The following ACSBG2 variants were observed in gnomAD, a reference collection of about 807,000 sequenced individuals.
ACSBG2 encodes the protein long-chain-fatty-acid--CoA ligase ACSBG2.
ACSBG2 carries 62 observed loss-of-function variants against 74.7 expected under a neutral mutation model. That is an observed-to-expected ratio of 0.83 (90% CI 0.68 to 1.03). The LOEUF (loss-of-function observed/expected upper bound fraction) is 1.03. Ranked by LOEUF, ACSBG2 falls within the 50% of genes least tolerant of loss-of-function variation. ACSBG2 has a pLI of 0.00. For missense variants in ACSBG2, 730 were observed against 817.6 expected, an observed-to-expected ratio of 0.89 and a Z score of 1.31; for synonymous variants, 309 against 294.1, an observed-to-expected ratio of 1.05 and a Z score of -0.52.
intron 10 of ACSBG2, among the ~76,000 whole-genome samples, chr19:6,185,218 C>T (rs2090372800): frequency 6.6e-6 from 1 of 152,200 alleles, no homozygotes; most frequent in African/African-American, 2.4e-5. Flanking sequence ...TGAGCCACCA[C>T]ACCTGGCCAC....
rs190055201 is a variant in ACSBG2, at chr19:6,155,285, T to C, written c.387-1146T>C. On this transcript the variant is annotated intron_variant, in intron 4 of 14. Transcript: ENST00000588485. Reference sequence around the variant, plus strand: ...GCCCTGATCCCTACCTCACATCATATGCAAAAATTAAATTGAGATGGATTA... The same window carrying C: ...GCCCTGATCCCTACCTCACATCATACGCAAAAATTAAATTGAGATGGATTA... Among the ~76,000 whole-genome samples the C allele has an allele frequency of 7.9e-5, 12 of 152,234 alleles. No homozygotes were observed. The East Asian group carries it at 1.5e-3, about 20-fold the overall frequency.
intron 1 of ACSBG2, among the ~76,000 whole-genome samples, chr19:6,138,604 G>GA (rs2088680951): frequency 1.4e-5 from 2 of 138,910 alleles, no homozygotes; most frequent in East Asian, 2.1e-4. Context: ...GAGAGAGGGA[G>GA]GAAGGAAGGA....
At position 6,157,414 on chromosome 19, in the gene ACSBG2, G is replaced by A. The variant is rs191586073; in HGVS notation, c.507+863G>A. On this transcript the variant is annotated intron_variant, in intron 5 of 14. Transcript: ENST00000588485. Reference sequence around the variant, plus strand: ...CTACCAAAAAATACAAAATTTAGCCGGGTGTGGTGGCATGCACCTGTAGTC... The same window carrying A: ...CTACCAAAAAATACAAAATTTAGCCAGGTGTGGTGGCATGCACCTGTAGTC... 3.7e-3 allele frequency among the ~76,000 whole-genome samples: 563 copies of A among 152,194 alleles called. 6 individuals carry two copies. The highest frequency in any genetic ancestry group is 0.013 in the African/African-American group (531 of 41,538).
At chr19:6,172,738 G>A (rs1013041762) in intron 7 of ACSBG2, among the ~76,000 whole-genome samples, 1 of 152,190 alleles carries the variant, frequency 6.6e-6, no homozygotes, top group Non-Finnish European at 1.5e-5. Context: ...TTGTTTGGTG[G>A]TGCAGTGCAG....
intron 6 of ACSBG2, among the ~76,000 whole-genome samples, chr19:6,161,747 C>G (rs1389469346): frequency 6.6e-6 from 1 of 151,918 alleles, no homozygotes; most frequent in Non-Finnish European, 1.5e-5. Flanking sequence ...GGGGGCCTAG[C>G]AAAAGGACGT....
chr19:6,138,565 AG>A (rs1334090013), intron 1 of ACSBG2, among the ~76,000 whole-genome samples: 2 of 94,546 alleles, frequency 2.1e-5, no homozygotes, highest in African/African-American at 9.0e-5. Context: ...AAGGAAGGAA[AG>A]AAGGGAGGGA....
chr19:6,168,764 G>A (rs1337246109), intron 7 of ACSBG2, among the ~76,000 whole-genome samples: 1 of 152,042 alleles, frequency 6.6e-6, no homozygotes, highest in Non-Finnish European at 1.5e-5. Context: ...TATAGATTCT[G>A]AATATTAGTC....
intron 1 of ACSBG2, among the ~76,000 whole-genome samples, chr19:6,139,990 G>A (rs1043996124): frequency 7.2e-5 from 11 of 152,148 alleles, no homozygotes; most frequent in South Asian, 6.2e-4. Context: ...TTGGGAGGCC[G>A]AGGCGGGCAG....
Position 6,184,856 on chromosome 19 carries a change from A to G in ACSBG2, c.1323-580A>G, listed in dbSNP as rs866703125. 3.0e-3 allele frequency among the ~76,000 whole-genome samples: 430 copies of G among 144,726 alleles called. 10 individuals carry two copies. The highest frequency in any genetic ancestry group is 0.01 in the African/African-American group (395 of 39,442). 94.9% of individuals were successfully genotyped at this position (144,726 alleles called of 152,430 possible). A position where few individuals can be genotyped will look rare whatever the true frequency, so the allele number is the denominator to read the frequency against. Reference sequence around the variant, plus strand: ...TGAAAAAAAAAAAAAAAAAAAAAAAAAAAAAAAAAAAAAAAACGAAAAACA... The same window carrying G: ...TGAAAAAAAAAAAAAAAAAAAAAAAGAAAAAAAAAAAAAAAACGAAAAACA... On this transcript the variant is annotated intron_variant, in intron 10 of 14. Coordinates refer to ENST00000588485, the MANE Select transcript of ACSBG2 (RefSeq NM_030924.5).
intron 6 of ACSBG2, chr19:6,161,499 G>C (rs2089615282): frequency 2.0e-6 from 1 of 496,006 alleles, no homozygotes. Flanking sequence ...AAGTGGGTGT[G>C]ACCTTTCAAA....
chr19:6,158,278 C>T (rs1238412764), intron 5 of ACSBG2, among the ~76,000 whole-genome samples: 4 of 151,630 alleles, frequency 2.6e-5, no homozygotes, highest in African/African-American at 9.7e-5. Flanking sequence ...AGGATGGTCT[C>T]GATCTCCTGA....
chr19:6,140,506 C>A (rs2088781497), intron 1 of ACSBG2, among the ~76,000 whole-genome samples: 1 of 152,032 alleles, frequency 6.6e-6, no homozygotes. Context: ...GTGGTGAACC[C>A]TTGTTTCTAC....
intron 3 of ACSBG2, among the ~76,000 whole-genome samples, chr19:6,149,571 G>C (rs933473408): frequency 6.8e-6 from 1 of 147,996 alleles, no homozygotes; most frequent in South Asian, 2.1e-4. Flanking sequence ...GCAGTGGCAC[G>C]ATCTTGGCTC....
intron 4 of ACSBG2, among the ~76,000 whole-genome samples, chr19:6,152,926 T>C (rs895429264): frequency 3.9e-5 from 6 of 152,170 alleles, no homozygotes; most frequent in East Asian, 1.9e-4. Flanking sequence ...CTTTATACAC[T>C]GTATGGTTAC....
chr19:6,138,994 T>A (rs910389886), intron 1 of ACSBG2, among the ~76,000 whole-genome samples: 9 of 152,188 alleles, frequency 5.9e-5, no homozygotes, highest in Non-Finnish European at 1.3e-4. Flanking sequence ...ATCTGCTGTT[T>A]TGGGCTGCTC....
At chr19:6,161,332 G>A (rs954700324) in intron 6 of ACSBG2, 37 bp downstream of exon 6, 2 of 1,591,488 alleles carry the variant, frequency 1.3e-6, no homozygotes, top group South Asian at 2.2e-5. Flanking sequence ...AAAGGGGAGG[G>A]CGGGGCCTTG....
At chr19:6,176,295 G>A in intron 7 of ACSBG2, 1 of 1,369,056 alleles carries the variant, frequency 7.3e-7, no homozygotes, top group South Asian at 2.3e-5. Context: ...ATCTGCTTGA[G>A]CAAAGTATGT....
rs759344024 is a variant in ACSBG2 at position 6,183,053 on chromosome 19, C to T, written c.1103C>T (p.Pro368Leu). 1 of 1,614,120 alleles carries T rather than the reference C, an allele frequency of 6.2e-7. No homozygotes were observed. The highest frequency in any genetic ancestry group is 1.1e-5 in the South Asian group (1 of 91,078). Reference sequence around the variant, plus strand: ...CTTATTCACAGGAAATATAATACTCCCGTGAGCTACCGCATGGCTAAGACT... The same window carrying T: ...CTTATTCACAGGAAATATAATACTCTCGTGAGCTACCGCATGGCTAAGACT... Reference protein sequence around the residue: ...SKKMLGKYNTPVSYRMAKTLV... With the variant: ...SKKMLGKYNTLVSYRMAKTLV... Residue 368 changes from proline (P) to leucine (L), a missense_variant, in exon 10 of 15, where the codon CCC becomes CTC. Coordinates refer to ENST00000588485, the MANE Select transcript of ACSBG2 (RefSeq NM_030924.5).
At chr19:6,154,461 T>C (rs1029588186) in intron 4 of ACSBG2, among the ~76,000 whole-genome samples, 1 of 146,436 alleles carries the variant, frequency 6.8e-6, no homozygotes, top group Admixed American at 6.9e-5. Flanking sequence ...ATAAAATATA[T>C]AATACATATA....
Sources: gnomAD v4.1 joint callset for allele counts (sites outside exome capture counted in the v4.1 genomes callset) on GRCh38, gnomAD v4.1.1 for gene constraint, MANE v1.5 for transcripts, NCBI Gene and HGNC (gene_info 2026-07-23, HGNC 2026-07-21) for gene names.